Variants in ASTN2 observed in about 807,000 individuals in gnomAD.
ASTN2 encodes astrotactin-2.
ASTN2 carries 54 observed loss-of-function variants against 139.8 expected under a neutral mutation model. The ratio of observed to expected loss-of-function variants is 0.39; its 90% CI spans 0.31 to 0.48. The LOEUF is 0.48. Ranked by LOEUF, ASTN2 falls within the 20% of genes least tolerant of loss-of-function variation. The probability of loss-of-function intolerance (pLI) is 0.95; values close to 1 mark genes in which losing one functional copy is unlikely to be tolerated. For synonymous variants in ASTN2, 756 were observed against 719.5 expected (o/e 1.05, Z -0.81); for missense variants, 1,565 against 1,725.1 (o/e 0.91, Z 1.64).
chr9:116,981,880 T>C (rs537157905), intron 7 of ASTN2, among the ~76,000 whole-genome samples: 122 of 152,328 alleles, frequency 8.0e-4, no homozygotes, highest in Admixed American at 1.8e-3. Context: ...CATAAGGGAA[T>C]TCAATTGGAT....
At chr9:116,770,103 T>TAAAAA (rs3041036) in intron 13 of ASTN2, among the ~76,000 whole-genome samples, 6 of 135,302 alleles carry the variant, frequency 4.4e-5, no homozygotes, top group South Asian at 4.7e-4. Flanking sequence ...CTCTGAGAGT[T>TAAAAA]AAAAAAAAAA....
chr9:117,345,295 A>C (rs1026920861), intron 1 of ASTN2, among the ~76,000 whole-genome samples: 3 of 152,198 alleles, frequency 2.0e-5, no homozygotes, highest in African/African-American at 7.2e-5. Flanking sequence ...CTAGGCCTTC[A>C]GTAGAAAATA....
At position 117,304,731 on chromosome 9, in the gene ASTN2, C is replaced by T. The variant is rs183961164; in HGVS notation, c.443-13218G>A. Among the ~76,000 whole-genome samples, 32 of 152,280 alleles carry T rather than the reference C, an allele frequency of 2.1e-4. No homozygotes were observed. In the East Asian group the frequency reaches 4.6e-3, roughly 22 times the overall value. ...TCTACTCCATTACCCTTATTTATGACGTGGTGCTGGAGCACAGAGCCCCAG... is the reference window on the plus strand; with the variant it reads ...TCTACTCCATTACCCTTATTTATGATGTGGTGCTGGAGCACAGAGCCCCAG... On this transcript the variant is annotated intron_variant, in intron 1 of 22. Coordinates refer to ENST00000313400, the MANE Select transcript of ASTN2 (RefSeq NM_001365068.1).
chr9:116,426,652 TCTAA>T (rs1372247048), intron 22 of ASTN2, among the ~76,000 whole-genome samples: 5 of 152,154 alleles, frequency 3.3e-5, no homozygotes, highest in Non-Finnish European at 7.3e-5. Flanking sequence ...ACAGTCCCTT[TCTAA>T]CTGTCTGTGT....
intron 10 of ASTN2, among the ~76,000 whole-genome samples, chr9:116,960,083 G>A (rs528371043): frequency 6.6e-6 from 1 of 152,286 alleles, no homozygotes; most frequent in African/African-American, 2.4e-5. Context: ...ATCCGTCACA[G>A]CCAGGGAGGG....
At position 116,699,505 on chromosome 9, in the gene ASTN2, A is replaced by G. The variant is rs746890090; in HGVS notation, c.2806+26266T>C. The G allele has an allele frequency of 2.5e-6, 4 of 1,613,306 alleles. No homozygotes were observed. Among genetic ancestry groups the G allele is most frequent in the African/African-American group, 1.3e-5 (1 of 74,634 alleles). ...GGCATGTGTGTGGATGCTCGTGGTGATCTCATCGTGGCTGACAGTAGTCGC... is the reference window on the plus strand; with the variant it reads ...GGCATGTGTGTGGATGCTCGTGGTGGTCTCATCGTGGCTGACAGTAGTCGC... On this transcript the variant is annotated intron_variant, in intron 16 of 22. Transcript: ENST00000313400. The surrounding 1 kb of genome is among the most constrained non-coding windows in gnomAD (Gnocchi z 4.2).
intron 2 of ASTN2, among the ~76,000 whole-genome samples, chr9:117,230,381 C>T (rs1257417897): frequency 6.6e-6 from 1 of 152,142 alleles, no homozygotes; most frequent in Non-Finnish European, 1.5e-5. Context: ...TCATTCCAAT[C>T]TGTCTCCATC....
At chr9:116,553,047 C>T (rs901094131) in intron 19 of ASTN2, among the ~76,000 whole-genome samples, 3 of 152,160 alleles carry the variant, frequency 2.0e-5, no homozygotes, top group African/African-American at 7.2e-5. Flanking sequence ...GAATTGAAGG[C>T]TTCCCCTGGC....
intron 10 of ASTN2, among the ~76,000 whole-genome samples, chr9:116,959,465 G>T (rs10123636): frequency 6.6e-6 from 1 of 151,980 alleles, no homozygotes; most frequent in South Asian, 2.1e-4. Flanking sequence ...AGCAATGGAA[G>T]GGTCTAAAGC....
intron 10 of ASTN2, among the ~76,000 whole-genome samples, chr9:116,945,997 T>C (rs1402095919): frequency 6.6e-6 from 1 of 152,194 alleles, no homozygotes; most frequent in Non-Finnish European, 1.5e-5. Context: ...CTCCTTCGCA[T>C]GGTGGTAGGA....
chr9:117,048,013 A>G (rs1838795021), intron 5 of ASTN2, among the ~76,000 whole-genome samples: 1 of 152,158 alleles, frequency 6.6e-6, no homozygotes, highest in Non-Finnish European at 1.5e-5. Context: ...GCTATGAGGA[A>G]ACTGAGGCCA....
intron 5 of ASTN2, among the ~76,000 whole-genome samples, chr9:117,071,162 A>T (rs1025269137): frequency 2.7e-5 from 4 of 150,564 alleles, no homozygotes; most frequent in African/African-American, 4.9e-5. Context: ...TTGGTGTTTG[A>T]TGATGGTGAT....
intron 4 of ASTN2, among the ~76,000 whole-genome samples, chr9:117,116,418 G>A (rs529305607): frequency 2.0e-5 from 3 of 152,224 alleles, no homozygotes; most frequent in South Asian, 2.1e-4. Context: ...GAAGCATGAT[G>A]GAGGCACTAC....
chr9:117,343,135 C>G (rs187247387), intron 1 of ASTN2, among the ~76,000 whole-genome samples: 1 of 152,330 alleles, frequency 6.6e-6, no homozygotes, highest in Non-Finnish European at 1.5e-5. Context: ...TGCAATTTCT[C>G]TAGAGGCTCT....
At chr9:117,084,138 T>C (rs999385166) in intron 5 of ASTN2, among the ~76,000 whole-genome samples, 4 of 152,102 alleles carry the variant, frequency 2.6e-5, no homozygotes, top group African/African-American at 9.7e-5. Context: ...AATTTCTGAA[T>C]ACATAATTTT....
chr9:116,950,354 T>C (rs1459451366), intron 10 of ASTN2, among the ~76,000 whole-genome samples: 1 of 151,964 alleles, frequency 6.6e-6, no homozygotes, highest in African/African-American at 2.4e-5. Context: ...TCCAGTGAGC[T>C]GAGAAGTGGG....
chr9:117,035,035 G>T (rs905852928), intron 6 of ASTN2, among the ~76,000 whole-genome samples: 80 of 152,090 alleles, frequency 5.3e-4, no homozygotes, highest in African/African-American at 1.8e-3. Context: ...CCATTACTCA[G>T]CCCCATCCAA....
intron 11 of ASTN2, among the ~76,000 whole-genome samples, chr9:116,830,749 G>A (rs1314833037): frequency 4.2e-5 from 6 of 144,514 alleles, no homozygotes; most frequent in South Asian, 2.2e-4. Flanking sequence ...CCAAGATCGC[G>A]CCACTGCACT....
chr9:116,695,864 G>A lies in ASTN2; in HGVS notation c.2806+29907C>T, dbSNP rs137906049. 2.7e-3 allele frequency among the ~76,000 whole-genome samples: 407 copies of A among 152,246 alleles called. 2 individuals carry two copies. The highest frequency in any genetic ancestry group is 9.0e-3 in the African/African-American group (372 of 41,528). On this transcript the variant is annotated intron_variant, in intron 16 of 22. Coordinates refer to ENST00000313400, the MANE Select transcript of ASTN2 (RefSeq NM_001365068.1). ...TTGGGTGACGCAGAGGGTACTCTAA[G>A]CCAGAAATAAACTGTCTTGATAAGG... is the stretch of plus-strand genomic sequence containing the variant.
Sources: gnomAD v4.1 joint callset for allele counts (sites outside exome capture counted in the v4.1 genomes callset) on GRCh38, gnomAD v4.1.1 for gene constraint, Gnocchi (gnomAD v3.1) non-coding constraint, MANE v1.5 for transcripts, NCBI Gene and HGNC (gene_info 2026-07-23, HGNC 2026-07-21) for gene names.